Variants in TMEM14C observed in about 807,000 individuals in gnomAD.
TMEM14C encodes the protein transmembrane protein 14C.
A neutral mutation model predicts 14.8 loss-of-function variants in TMEM14C; 13 were observed. The ratio of observed to expected loss-of-function variants is 0.88; its 90% CI spans 0.57 to 1.40. The LOEUF is 1.40. Ranked by LOEUF, TMEM14C falls within the 40% of genes most tolerant of loss-of-function variation. The pLI is 0.00. For synonymous variants in TMEM14C, 57 were observed against 51.3 expected (o/e 1.11, Z -0.48); for missense variants, 142 against 138.8 (o/e 1.02, Z -0.12).
intron 4 of TMEM14C, among the ~76,000 whole-genome samples, chr6:10,727,637 C>T (rs893225185): frequency 5.3e-5 from 8 of 151,874 alleles, no homozygotes; most frequent in Admixed American, 1.3e-4. Flanking sequence ...CCGTAGGCAA[C>T]GTGGTGAAAC....
Position 10,723,077 on chromosome 6 carries a change from G to A in TMEM14C, c.-209G>A, listed in dbSNP as rs1770727599. 6.6e-6 allele frequency: 1 copy of A among 152,318 alleles called. No individual in the cohort carries two copies. The highest frequency in any genetic ancestry group is 6.5e-5 in the Admixed American group (1 of 15,282). 9.4% of individuals were successfully genotyped at this position (152,318 alleles called of 1,614,324 possible). A position where few individuals can be genotyped will look rare whatever the true frequency, so the allele number is the denominator to read the frequency against. ...CCCGCCCGCACCGTCCCCATTCTCT[G>A]ACCGCCCCTCTCCCGGTACACTGCG... On this transcript the variant is annotated 5_prime_UTR_variant, in exon 1 of 6. Coordinates refer to ENST00000229563, the MANE Select transcript of TMEM14C (RefSeq NM_016462.4).
At chr6:10,725,699 A>G (rs1770838597) in intron 3 of TMEM14C, among the ~76,000 whole-genome samples, 1 of 152,054 alleles carries the variant, frequency 6.6e-6, no homozygotes, top group Non-Finnish European at 1.5e-5. Context: ...TGCCTATTAG[A>G]GGAGAGAAAA....
chr6:10,730,851 T>C lies in TMEM14C; in HGVS notation c.*185T>C, dbSNP rs1046172. 7.7e-7 allele frequency: 1 copy of C among 1,297,040 alleles called. No homozygotes were observed. Among genetic ancestry groups the C allele is most frequent in the South Asian group, 2.2e-5 (1 of 45,350 alleles). The allele number at this position is 1,297,040 out of a possible 1,614,324, so 80.3% of individuals were successfully genotyped here. A position where few individuals can be genotyped will look rare whatever the true frequency, so the allele number is the denominator to read the frequency against. On this transcript the variant is annotated 3_prime_UTR_variant, in exon 6 of 6. Transcript: ENST00000229563. The stretch of plus-strand genomic sequence containing the variant: ...ATTACAAACCTACAGAGGTGGCGAG[T>C]ATGTAACACAAGAGCTTAATAAGAC...
chr6:10,728,585 C>T, intron 4 of TMEM14C, 55 bp from the exon 5 acceptor site: 1 of 1,580,674 alleles, frequency 6.3e-7, no homozygotes, highest in Non-Finnish European at 8.7e-7. Context: ...ACTTCTGATT[C>T]CCCTGCGTAG....
rs868233854 is a variant in TMEM14C, at chr6:10,723,594, C to T, written c.-45+353C>T. Reference sequence around the variant, plus strand: ...TTCCCTGTTTTATGGAAACTTAATTCTTTTTTTTTTTTTTTTTGTCCTTGA... The same window carrying T: ...TTCCCTGTTTTATGGAAACTTAATTTTTTTTTTTTTTTTTTTTGTCCTTGA... On this transcript the variant is annotated intron_variant, in intron 1 of 5. Coordinates refer to ENST00000229563, the MANE Select transcript of TMEM14C (RefSeq NM_016462.4). 4.1e-3 allele frequency among the ~76,000 whole-genome samples: 482 copies of T among 118,652 alleles called. 5 individuals carry two copies. The highest frequency in any genetic ancestry group is 0.015 in the African/African-American group (428 of 29,242). 77.8% of individuals were successfully genotyped at this position (118,652 alleles called of 152,430 possible). A position where few individuals can be genotyped will look rare whatever the true frequency, so the allele number is the denominator to read the frequency against.
chr6:10,725,087 T>G lies in TMEM14C; in HGVS notation c.97+50T>G, dbSNP rs770412655. ...TCTTAACATCTTCACGTTGTCCCAG[T>G]GAAATGTGAATGCCCGTGTCCCTGA... On this transcript the variant is annotated intron_variant, in intron 3 of 5. Transcript: ENST00000229563. 14 of 1,606,126 alleles carry G rather than the reference T, an allele frequency of 8.7e-6. 1 individual carries two copies. In the East Asian group the frequency reaches 2.0e-4, roughly 23 times the overall value.
chr6:10,726,872 A>C (rs1770879634), intron 4 of TMEM14C, among the ~76,000 whole-genome samples: 1 of 152,102 alleles, frequency 6.6e-6, no homozygotes, highest in Non-Finnish European at 1.5e-5. Context: ...CGGTCTCTAC[A>C]AACCCCGTGT....
At chr6:10,727,536 C>A (rs567521317) in intron 4 of TMEM14C, among the ~76,000 whole-genome samples, 1 of 152,148 alleles carries the variant, frequency 6.6e-6, no homozygotes, top group Admixed American at 6.5e-5. Context: ...ACAGGAGTTT[C>A]GCCATGTTGT....
intron 4 of TMEM14C, among the ~76,000 whole-genome samples, chr6:10,727,995 C>G (rs1467634042): frequency 2.0e-5 from 3 of 152,168 alleles, no homozygotes; most frequent in Non-Finnish European, 4.4e-5. Context: ...CCATGCTGCC[C>G]TTTTAGGGTG....
chr6:10,725,795 T>C (rs1165743190), intron 3 of TMEM14C, 112 bp from the exon 4 acceptor site: 1 of 1,304,486 alleles, frequency 7.7e-7, no homozygotes, highest in Non-Finnish European at 1.1e-6. Flanking sequence ...GGCTATGAGC[T>C]GTGTTGAGAG....
In TMEM14C at chr6:10,724,588, C is replaced by T; in HGVS notation, c.-26C>T. On this transcript the variant is annotated 5_prime_UTR_variant, in exon 2 of 6. Transcript: ENST00000229563. ...TCTGCAGGTGCAGGCCTGGGGTAGT[C>T]TCCTGTCTGGACAGAGAAGAGAAAA... The T allele has an allele frequency of 6.2e-7, 1 of 1,612,594 alleles. No individual in the cohort carries two copies. Among genetic ancestry groups the T allele is most frequent in the Non-Finnish European group, 8.5e-7 (1 of 1,179,192 alleles).
chr6:10,723,792 A>G (rs73438139), intron 1 of TMEM14C, among the ~76,000 whole-genome samples: 17,261 of 151,796 alleles, frequency 0.11, 2,723 homozygotes, highest in African/African-American at 0.35. Flanking sequence ...TTAGTAGACA[A>G]TGGGTTTCAC....
At chr6:10,724,293 A>G (rs980633156) in intron 1 of TMEM14C, 5 of 309,792 alleles carry the variant, frequency 1.6e-5, no homozygotes, top group Non-Finnish European at 2.4e-5. Flanking sequence ...TGGTCAGTGG[A>G]TCTTGCTGAG....
intron 1 of TMEM14C, chr6:10,724,349 G>A (rs530007037): frequency 4.3e-6 from 2 of 461,354 alleles, no homozygotes; most frequent in Admixed American, 3.7e-5. Context: ...TCATGACAAT[G>A]GTCAGCATCT....
intron 3 of TMEM14C, among the ~76,000 whole-genome samples, chr6:10,725,639 A>C (rs574482731): frequency 1.3e-5 from 2 of 152,254 alleles, no homozygotes; most frequent in African/African-American, 4.8e-5. Context: ...CCACAGTTCC[A>C]TCTAAGGAGG....
At chr6:10,723,920 A>G (rs2127487159) in intron 1 of TMEM14C, among the ~76,000 whole-genome samples, 1 of 152,288 alleles carries the variant, frequency 6.6e-6, no homozygotes, top group South Asian at 2.1e-4. Context: ...TTTAAACAGA[A>G]TAAACGGGGT....
chr6:10,725,557 T>G (rs1770832156), intron 3 of TMEM14C, among the ~76,000 whole-genome samples: 1 of 152,198 alleles, frequency 6.6e-6, no homozygotes, highest in Non-Finnish European at 1.5e-5. Context: ...TTTTGTGATT[T>G]GCTGGAGGTC....
Position 10,724,575 on chromosome 6 carries a change from G to A in TMEM14C, c.-39G>A, listed in dbSNP as rs1298102310. ...ATCCAGCTTGTTTTCTGCAGGTGCA[G>A]GCCTGGGGTAGTCTCCTGTCTGGAC... On this transcript the variant is annotated 5_prime_UTR_variant, in exon 2 of 6. Coordinates refer to ENST00000229563, the MANE Select transcript of TMEM14C (RefSeq NM_016462.4). The A allele has an allele frequency of 6.2e-7, 1 of 1,611,656 alleles. No homozygotes were observed. The highest frequency in any genetic ancestry group is 1.7e-5 in the Admixed American group (1 of 59,540).
chr6:10,723,373 C>T (rs551906121), intron 1 of TMEM14C, 132 bp downstream of exon 1: 4 of 152,398 alleles, frequency 2.6e-5, no homozygotes, highest in African/African-American at 9.6e-5. Context: ...CGGTGCTTTT[C>T]TCGTTGGGTA....
Sources: gnomAD v4.1 joint callset for allele counts (sites outside exome capture counted in the v4.1 genomes callset) on GRCh38, gnomAD v4.1.1 for gene constraint, MANE v1.5 for transcripts, NCBI Gene and HGNC (gene_info 2026-07-23, HGNC 2026-07-21) for gene names.